SENP2: variants seen among roughly 807,000 people sequenced by gnomAD.
The protein encoded by SENP2 is sentrin-specific protease 2.
SENP2 carries 16 observed loss-of-function variants against 86.3 expected under a neutral mutation model. The ratio of observed to expected loss-of-function variants is 0.19; its 90% CI spans 0.13 to 0.28. The LOEUF (loss-of-function observed/expected upper bound fraction) is 0.28. Ranked by LOEUF, SENP2 falls within the 10% of genes least tolerant of loss-of-function variation. The pLI, the probability that SENP2 is intolerant of heterozygous loss-of-function variation, is 1.00. For missense variants in SENP2, 552 were observed against 703.0 expected (o/e 0.79, Z 2.43); for synonymous variants, 222 against 238.7 (o/e 0.93, Z 0.64).
chr3:185,609,361 G>A lies in SENP2; in HGVS notation c.722+11G>A. The A allele has an allele frequency of 1.3e-6, 2 of 1,564,864 alleles. No homozygotes were observed. The highest frequency in any genetic ancestry group is 1.8e-6 in the Non-Finnish European group (2 of 1,136,146). ...TTCAAATTATCACAGGTGACAGTGA[G>A]CTAACAGATAATGCTTTGCTAGGCA... On this transcript the variant is annotated intron_variant, in intron 7 of 16. Transcript: ENST00000296257.
In SENP2 at chr3:185,629,881, C is replaced by G; in HGVS notation, c.*37C>G. ...CTGGTCCCTCTAGCTGCTGGTGGTT[C>G]TTTCACAGACATTTCCATATACCTC... On this transcript the variant is annotated 3_prime_UTR_variant, in exon 17 of 17. Transcript: ENST00000296257. 1 of 1,596,566 alleles carries G rather than the reference C, an allele frequency of 6.3e-7. No homozygotes were observed. Among genetic ancestry groups the G allele is most frequent in the Non-Finnish European group, 8.6e-7 (1 of 1,164,250 alleles).
At chr3:185,609,678 T>G (rs1722623023) in intron 7 of SENP2, among the ~76,000 whole-genome samples, 1 of 151,910 alleles carries the variant, frequency 6.6e-6, no homozygotes, top group Admixed American at 6.6e-5. Context: ...CCACAATCTC[T>G]CTCTCTACCT....
At chr3:185,615,341 G>A (rs1442656327) in intron 11 of SENP2, among the ~76,000 whole-genome samples, 1 of 152,018 alleles carries the variant, frequency 6.6e-6, no homozygotes, top group Non-Finnish European at 1.5e-5. Flanking sequence ...ATATTTAGAA[G>A]AAAATAATTT....
At chr3:185,612,823 C>T (rs1577733741) in intron 9 of SENP2, among the ~76,000 whole-genome samples, 165 bp downstream of exon 9, 1 of 152,328 alleles carries the variant, frequency 6.6e-6, no homozygotes, top group African/African-American at 2.4e-5. Context: ...GTCAGATGCC[C>T]ACCCTAGCCT....
chr3:185,602,260 C>T (rs997094045), intron 5 of SENP2, among the ~76,000 whole-genome samples: 6 of 152,040 alleles, frequency 3.9e-5, no homozygotes, highest in Non-Finnish European at 5.9e-5. Flanking sequence ...TAAAAACTAG[C>T]GCCCTCTGGA....
chr3:185,620,933 G>C (rs1314172435), intron 13 of SENP2, among the ~76,000 whole-genome samples: 1 of 151,618 alleles, frequency 6.6e-6, no homozygotes, highest in Non-Finnish European at 1.5e-5. Flanking sequence ...GAGCCCAAGA[G>C]TTTGAGACCA....
At chr3:185,609,966 A>G (rs1722631382) in intron 7 of SENP2, among the ~76,000 whole-genome samples, 1 of 152,116 alleles carries the variant, frequency 6.6e-6, no homozygotes, top group African/African-American at 2.4e-5. Flanking sequence ...GCAAATATTA[A>G]TAGATGAGAG....
intron 6 of SENP2, 130 bp downstream of exon 6, chr3:185,606,628 CAAAA>C: frequency 1.3e-6 from 1 of 786,660 alleles, no homozygotes; most frequent in Non-Finnish European, 2.0e-6. Flanking sequence ...CAGCCTCCAA[CAAAA>C]TGAGGCTGTC....
At chr3:185,609,736 C>A (rs1309870382) in intron 7 of SENP2, among the ~76,000 whole-genome samples, 3 of 151,644 alleles carry the variant, frequency 2.0e-5, no homozygotes, top group Non-Finnish European at 4.4e-5. Context: ...TCCCATCTCC[C>A]TTCCTTCCTT....
At chr3:185,629,733 CATGCACATTAAT>C in intron 16 of SENP2, 37 bp from the exon 17 acceptor site, 1 of 1,570,166 alleles carries the variant, frequency 6.4e-7, no homozygotes, top group Non-Finnish European at 8.8e-7. Flanking sequence ...GTTGTGCTGC[CATGCACATTAAT>C]ATGTAATGCG....
At chr3:185,624,152 T>TCCCATCCTG (rs1329459177) in intron 15 of SENP2, 70 bp downstream of exon 15, 85 of 1,047,652 alleles carry the variant, frequency 8.1e-5, no homozygotes, top group Non-Finnish European at 1.1e-4. Context: ...TAGATTTGGC[T>TCCCATCCTG]CCCTTCCTGC....
intron 1 of SENP2, 23 bp from the exon 2 acceptor site, chr3:185,590,091 A>T (rs11924016): frequency 0.35 from 473,471 of 1,349,870 alleles, 85,359 homozygotes; most frequent in South Asian, 0.53. Flanking sequence ...ATATATATAT[A>T]TTTTTTTCTT....
At position 185,592,007 on chromosome 3, in the gene SENP2, A is replaced by ATTTTTTTTTTTTT. The variant is rs1261238822; in HGVS notation, c.157+1841_157+1842insTTTTTTTTTTTTT. Among the ~76,000 whole-genome samples, 87 of 34,976 alleles carry ATTTTTTTTTTTTT rather than the reference A, an allele frequency of 2.5e-3. 1 individual carries two copies. Among genetic ancestry groups the ATTTTTTTTTTTTT allele is most frequent in the East Asian group, 8.4e-3 (10 of 1,190 alleles). 22.9% of individuals were successfully genotyped at this position (34,976 alleles called of 152,430 possible). Reference sequence around the variant, plus strand: ...ACTCCTGTCTTTAAGAACCGGTAATATTTCTTTTTTTTTTTTTTTTTTTTT... The same window carrying ATTTTTTTTTTTTT: ...ACTCCTGTCTTTAAGAACCGGTAATATTTTTTTTTTTTTTTTCTTTTTTTTTTTTTTTTTTTTT... On this transcript the variant is annotated intron_variant, in intron 2 of 16. Transcript: ENST00000296257.
At chr3:185,612,957 G>A (rs894133436) in intron 9 of SENP2, among the ~76,000 whole-genome samples, 8 of 152,254 alleles carry the variant, frequency 5.3e-5, no homozygotes, top group Non-Finnish European at 1.2e-4. Flanking sequence ...GATAGGAACA[G>A]TAAAGGCAGC....
At chr3:185,629,192 G>A (rs367699809) in intron 16 of SENP2, among the ~76,000 whole-genome samples, 26 of 152,306 alleles carry the variant, frequency 1.7e-4, no homozygotes, top group African/African-American at 6.0e-4. Context: ...TGCCTATTGT[G>A]CCACCACGTG....
In SENP2 at chr3:185,606,375, T is replaced by A. The variant is rs1310058355; in HGVS notation, c.495T>A (p.Arg165=). The change falls in exon 6 of 17, where the codon CGT becomes CGA. Residue 165 remains arginine (R), a synonymous_variant. Coordinates refer to ENST00000296257, the MANE Select transcript of SENP2 (RefSeq NM_021627.3). ...GCTGTAATAGAAGACCAGGTGGCCG[T>A]CGCCATAGCAAAGGTAATCCAGAGA... ...SEGCNRRPGG[R]RHSKGNPESS... is the part of the protein sequence containing the mutation. 3 of 1,612,934 alleles carry A rather than the reference T, an allele frequency of 1.9e-6. No homozygotes were observed. Among genetic ancestry groups the A allele is most frequent in the Non-Finnish European group, 2.5e-6 (3 of 1,179,742 alleles).
At chr3:185,613,795 T>C in intron 10 of SENP2, among the ~76,000 whole-genome samples, 1 of 131,938 alleles carries the variant, frequency 7.6e-6, no homozygotes, top group Non-Finnish European at 1.5e-5. Context: ...ACCATAGCAC[T>C]CCAGCCTAGG....
At chr3:185,616,648 G>T (rs939560056) in intron 11 of SENP2, among the ~76,000 whole-genome samples, 1 of 151,888 alleles carries the variant, frequency 6.6e-6, no homozygotes, top group African/African-American at 2.4e-5. Context: ...GGTGGCGGGC[G>T]CCTGTCATCC....
At chr3:185,621,779 C>A in intron 13 of SENP2, 47 bp from the exon 14 acceptor site, 1 of 1,124,670 alleles carries the variant, frequency 8.9e-7, no homozygotes, top group Non-Finnish European at 1.3e-6. Flanking sequence ...AATTCTCACT[C>A]CTCTTACATT....
Sources: gnomAD v4.1 joint callset for allele counts (sites outside exome capture counted in the v4.1 genomes callset) on GRCh38, gnomAD v4.1.1 for gene constraint, MANE v1.5 for transcripts, NCBI Gene and HGNC (gene_info 2026-07-23, HGNC 2026-07-21) for gene names.